Variants in TNFRSF10D observed in about 807,000 individuals in gnomAD.
The protein encoded by TNFRSF10D is TNF receptor superfamily member 10d.
A neutral mutation model predicts 42.1 loss-of-function variants in TNFRSF10D; 28 were observed. That is an observed-to-expected ratio of 0.66 (90% CI 0.49 to 0.91). The LOEUF (loss-of-function observed/expected upper bound fraction) is 0.91, where lower values mean the gene tolerates loss of function less well. TNFRSF10D is among the 40% of genes least tolerant of loss of function. TNFRSF10D has a pLI of 0.00. For synonymous variants in TNFRSF10D, 186 were observed against 189.4 expected (o/e 0.98, Z 0.15); for missense variants, 503 against 486.1 (o/e 1.03, Z -0.33).
intron 1 of TNFRSF10D, among the ~76,000 whole-genome samples, chr8:23,158,894 G>A (rs900494290): frequency 6.2e-3 from 942 of 152,156 alleles, no homozygotes; most frequent in African/African-American, 0.019. Flanking sequence ...TGGAACTATC[G>A]CCGCGATAAG....
intron 2 of TNFRSF10D, among the ~76,000 whole-genome samples, chr8:23,151,525 T>C (rs1355724422): frequency 6.6e-6 from 1 of 152,342 alleles, no homozygotes; most frequent in Non-Finnish European, 1.5e-5. Flanking sequence ...ACAATCATAA[T>C]AGTGTACAAA....
chr8:23,163,698 A>G (rs1483438947), intron 1 of TNFRSF10D, 88 bp downstream of exon 1: 27 of 1,529,622 alleles, frequency 1.8e-5, no homozygotes, highest in Non-Finnish European at 2.2e-5. Context: ...ACCCGGGCCA[A>G]GCATCCCCAC....
At chr8:23,158,604 A>T (rs957514405) in intron 1 of TNFRSF10D, among the ~76,000 whole-genome samples, 2 of 152,184 alleles carry the variant, frequency 1.3e-5, no homozygotes, top group Admixed American at 6.5e-5. Context: ...TTACCATTTA[A>T]ACTACGGTTG....
intron 1 of TNFRSF10D, among the ~76,000 whole-genome samples, chr8:23,159,946 GC>G (rs1290976670): frequency 6.7e-6 from 1 of 149,708 alleles, no homozygotes; most frequent in East Asian, 1.9e-4. Flanking sequence ...AAAAAAAAAA[GC>G]CCTTCAAGGG....
chr8:23,156,311 C>T (rs536206044), intron 1 of TNFRSF10D, among the ~76,000 whole-genome samples: 1 of 151,512 alleles, frequency 6.6e-6, no homozygotes, highest in South Asian at 2.1e-4. Context: ...TGAGAAAAAA[C>T]AAAATGGTTA....
chr8:23,145,767 G>C lies in TNFRSF10D; in HGVS notation c.637C>G (p.Leu213Val). ...LGMLASPYHY[L>V]IIIVVLVIIL... ...ATGACTAAAACCACTATGATGATAAGGTAGTGATAGGGAGAGGCAAGCATC... is the reference window on the plus strand; with the variant it reads ...ATGACTAAAACCACTATGATGATAACGTAGTGATAGGGAGAGGCAAGCATC... The change falls in exon 5 of 9, where the codon CTT becomes GTT. Residue 213 changes from leucine to valine, a missense_variant. Leu to Val is a conservative substitution (Grantham distance 32, BLOSUM62 1). Transcript: ENST00000312584. 6.2e-7 allele frequency: 1 copy of C among 1,614,164 alleles called. No homozygotes were observed. The highest frequency in any genetic ancestry group is 1.1e-5 in the South Asian group (1 of 91,084).
At chr8:23,144,341 G>C in intron 7 of TNFRSF10D, 109 bp downstream of exon 7, 2 of 1,305,820 alleles carry the variant, frequency 1.5e-6, no homozygotes, top group Admixed American at 2.4e-5. Flanking sequence ...TCTCCCAAAG[G>C]CTCCATGTCC....
intron 1 of TNFRSF10D, among the ~76,000 whole-genome samples, chr8:23,162,104 A>T (rs1178656522): frequency 1.3e-5 from 2 of 152,262 alleles, no homozygotes; most frequent in Non-Finnish European, 2.9e-5. Context: ...GTTTAAAAGA[A>T]AATCAATCTG....
Position 23,163,938 on chromosome 8 carries a change from G to A in TNFRSF10D, c.-3C>T. ...ACGCTTTGTCCCCAAAGTCCCATGA[G>A]AAGGGAGGAGGGTGGATCGAAAGCG... On this transcript the variant is annotated 5_prime_UTR_variant, in exon 1 of 9. Coordinates refer to ENST00000312584, the MANE Select transcript of TNFRSF10D (RefSeq NM_003840.5). The A allele has an allele frequency of 6.4e-7, 1 of 1,565,584 alleles. No homozygotes were observed. The highest frequency in any genetic ancestry group is 2.4e-5 in the East Asian group (1 of 41,428).
chr8:23,153,483 C>T (rs140051378), intron 2 of TNFRSF10D, among the ~76,000 whole-genome samples: 794 of 151,872 alleles, frequency 5.2e-3, no homozygotes, highest in African/African-American at 0.016. Flanking sequence ...TTTTGGTTAA[C>T]ATCCAAAATA....
intron 6 of TNFRSF10D, 39 bp downstream of exon 6, chr8:23,145,019 A>G (rs1346776644): frequency 1.2e-6 from 2 of 1,614,046 alleles, no homozygotes; most frequent in East Asian, 4.5e-5. Flanking sequence ...GCAGTTCCTG[A>G]ACCCACGAAG....
chr8:23,160,414 C>T lies in TNFRSF10D; in HGVS notation c.150+3372G>A, dbSNP rs574381439. Among the ~76,000 whole-genome samples, 8 of 152,290 alleles carry T rather than the reference C, an allele frequency of 5.3e-5. No individual in the cohort carries two copies. In the South Asian group the frequency reaches 1.7e-3, roughly 32 times the overall value. The stretch of plus-strand genomic sequence containing the variant: ...GAGCTCCCAGAGGCCAAGTGCAGGA[C>T]AGAGATCAGAGAAGCAGCTCCTCAG... On this transcript the variant is annotated intron_variant, in intron 1 of 8. Coordinates refer to ENST00000312584, the MANE Select transcript of TNFRSF10D (RefSeq NM_003840.5).
chr8:23,148,238 CA>C (rs1419082649), intron 3 of TNFRSF10D, among the ~76,000 whole-genome samples, 199 bp downstream of exon 3: 2 of 148,564 alleles, frequency 1.3e-5, no homozygotes, highest in Non-Finnish European at 3.0e-5. Flanking sequence ...AAACTGTCTT[CA>C]AAAAAATAAA....
At chr8:23,154,458 C>G (rs762875931) in intron 2 of TNFRSF10D, among the ~76,000 whole-genome samples, 2 of 152,180 alleles carry the variant, frequency 1.3e-5, no homozygotes, top group Admixed American at 6.5e-5. Context: ...TAAATCATTT[C>G]TAGGTTACTT....
chr8:23,161,771 T>C (rs1458367282), intron 1 of TNFRSF10D, among the ~76,000 whole-genome samples: 3 of 152,210 alleles, frequency 2.0e-5, no homozygotes. Context: ...TACAGGCACA[T>C]GTGTGAACTA....
rs373723863 is a variant in TNFRSF10D at position 23,149,063 on chromosome 8, A to G, written c.257-512T>C. Among the ~76,000 whole-genome samples, 1,065 of 149,916 alleles carry G rather than the reference A, an allele frequency of 7.1e-3. 20 individuals are homozygous for G. The highest frequency in any genetic ancestry group is 0.048 in the Admixed American group (721 of 15,034). On this transcript the variant is annotated intron_variant, in intron 2 of 8. Coordinates refer to ENST00000312584, the MANE Select transcript of TNFRSF10D (RefSeq NM_003840.5). ...AAATTAGCCGGGCGTGGTGGCAGGC[A>G]CCTGTAATCCTAGCTACTCGGGAGG...
chr8:23,163,053 C>G (rs1429208174), intron 1 of TNFRSF10D, among the ~76,000 whole-genome samples: 1 of 144,952 alleles, frequency 6.9e-6, no homozygotes, highest in East Asian at 2.2e-4. Flanking sequence ...TCCTGAGTAG[C>G]TGGGACTACA....
intron 1 of TNFRSF10D, among the ~76,000 whole-genome samples, chr8:23,161,416 G>C (rs1023938874): frequency 6.6e-6 from 1 of 152,236 alleles, no homozygotes; most frequent in Non-Finnish European, 1.5e-5. Flanking sequence ...GACAGAGCCA[G>C]GACCTGGGGT....
chr8:23,145,971 A>G, intron 4 of TNFRSF10D, 50 bp from the exon 5 acceptor site: 8 of 1,612,606 alleles, frequency 5.0e-6, no homozygotes, highest in Non-Finnish European at 5.9e-6. Flanking sequence ...AAAGCTGGCC[A>G]GGTGGGATGA....
Sources: allele counts gnomAD v4.1 joint callset (sites outside exome capture counted in the v4.1 genomes callset), GRCh38; gene constraint gnomAD v4.1.1; transcripts MANE v1.5; gene names NCBI Gene and HGNC (gene_info 2026-07-23, HGNC 2026-07-21).